C1orf146: variants seen among roughly 807,000 people sequenced by gnomAD.
C1orf146 encodes the protein protein SPO16 homolog.
In C1orf146, 22 loss-of-function variants were observed where a neutral mutation model predicts 23.0. That is an observed-to-expected ratio of 0.96 (90% CI 0.68 to 1.36). The LOEUF (loss-of-function observed/expected upper bound fraction) is 1.36. Among genes scored for constraint, C1orf146 ranks in the 40% most tolerant of loss-of-function variants. C1orf146 has a pLI of 0.00. For missense variants in C1orf146, 199 were observed against 206.8 expected (o/e 0.96, Z 0.23); for synonymous variants, 59 against 65.3 (o/e 0.90, Z 0.47).
intron 3 of C1orf146, 34 bp from the exon 4 acceptor site, chr1:92,244,183 A>G (rs1652506907): frequency 6.8e-7 from 1 of 1,467,596 alleles, no homozygotes. Flanking sequence ...CTCTATAACA[A>G]AGTGACATTT....
chr1:92,239,367 T>C (rs1226247351), intron 2 of C1orf146, among the ~76,000 whole-genome samples: 8 of 152,258 alleles, frequency 5.3e-5, no homozygotes, highest in Non-Finnish European at 4.4e-5. Flanking sequence ...AGAATAGTGC[T>C]ATCTTCCCCT....
chr1:92,240,715 G>T (rs1026173045), intron 2 of C1orf146: 3 of 167,592 alleles, frequency 1.8e-5, no homozygotes, highest in Non-Finnish European at 4.2e-5. Flanking sequence ...GTAGAAAGAA[G>T]GTCTCGCTAC....
intron 1 of C1orf146, 39 bp from the exon 2 acceptor site, chr1:92,231,343 G>C: frequency 7.4e-6 from 7 of 945,540 alleles, no homozygotes; most frequent in Non-Finnish European, 1.2e-5. Flanking sequence ...TCATTCATCA[G>C]ATATTTCTTT....
chr1:92,243,960 A>G (rs922175318), intron 3 of C1orf146, among the ~76,000 whole-genome samples: 2 of 152,060 alleles, frequency 1.3e-5, no homozygotes, highest in African/African-American at 4.8e-5. Flanking sequence ...ATCTAGGAAA[A>G]AAAAAAAAAC....
intron 2 of C1orf146, among the ~76,000 whole-genome samples, chr1:92,236,858 T>G (rs1334143384): frequency 6.6e-6 from 1 of 152,228 alleles, no homozygotes; most frequent in Admixed American, 6.5e-5. Context: ...TTTCATTCAT[T>G]TCATCTTCCA....
intron 1 of C1orf146, among the ~76,000 whole-genome samples, chr1:92,228,513 C>T (rs1047076894): frequency 6.6e-6 from 1 of 152,166 alleles, no homozygotes; most frequent in Non-Finnish European, 1.5e-5. Flanking sequence ...TTTACTTTTG[C>T]TTCTGGCAGA....
intron 2 of C1orf146, among the ~76,000 whole-genome samples, chr1:92,234,329 G>T (rs1350074550): frequency 6.6e-6 from 1 of 152,192 alleles, no homozygotes; most frequent in Non-Finnish European, 1.5e-5. Context: ...AAGGGTTGTT[G>T]AATTTTGTCA....
In C1orf146 at chr1:92,222,945, G is replaced by A. The variant is rs115464873; in HGVS notation, c.-40+4897G>A. On this transcript the variant is annotated intron_variant, in intron 1 of 5. Transcript: ENST00000370375. ...CAATATGTGCTATGCTTTTGGGGGC[G>A]GGGGTTGGCATCTTTCCTTCATAAT... Among the ~76,000 whole-genome samples, 718 of 152,136 alleles carry A rather than the reference G, an allele frequency of 4.7e-3. 4 individuals carry two copies. The highest frequency in any genetic ancestry group is 7.5e-3 in the Non-Finnish European group (509 of 67,994).
chr1:92,230,457 A>C (rs1652091795), intron 1 of C1orf146, among the ~76,000 whole-genome samples: 1 of 151,724 alleles, frequency 6.6e-6, no homozygotes. Context: ...CTAAAAATAC[A>C]AAAAAAAGAT....
intron 1 of C1orf146, chr1:92,229,147 G>A: frequency 1.9e-6 from 1 of 522,968 alleles, no homozygotes; most frequent in Non-Finnish European, 3.8e-6. Flanking sequence ...CGCTCTCGGG[G>A]TGCAATGATC....
intron 2 of C1orf146, among the ~76,000 whole-genome samples, chr1:92,241,786 T>G (rs1237008518): frequency 1.3e-5 from 2 of 152,114 alleles, no homozygotes; most frequent in African/African-American, 4.8e-5. Flanking sequence ...TAAAGTGAAG[T>G]TTGCAGCTGG....
intron 1 of C1orf146, among the ~76,000 whole-genome samples, chr1:92,223,212 G>T (rs1050686073): frequency 2.0e-5 from 3 of 152,112 alleles, no homozygotes; most frequent in African/African-American, 4.8e-5. Flanking sequence ...GTAAGTATAT[G>T]ATTAACTTTT....
chr1:92,244,846 A>C lies in C1orf146; in HGVS notation c.397A>C (p.Thr133Pro). ...NTVNAINLMCTIAKTTSKPYI... is the reference protein window; with the variant it reads ...NTVNAINLMCPIAKTTSKPYI... ...AGTAAATGCTATTAATCTTATGTGC[A>C]CTATAGCAAAGGTGAGTCACCCGTG... The change falls in exon 5 of 6, where the codon ACT (threonine) becomes CCT (proline). Residue 133 changes from threonine to proline, a missense_variant. By Grantham distance (38) the Thr-to-Pro change is conservative. Coordinates refer to ENST00000370375, the MANE Select transcript of C1orf146 (RefSeq NM_001012425.2). The C allele has an allele frequency of 6.3e-7, 1 of 1,594,286 alleles. No individual in the cohort carries two copies. The highest frequency in any genetic ancestry group is 8.6e-7 in the Non-Finnish European group (1 of 1,163,666).
chr1:92,223,939 T>C (rs1651899172), intron 1 of C1orf146, among the ~76,000 whole-genome samples: 2 of 152,116 alleles, frequency 1.3e-5, no homozygotes, highest in Admixed American at 6.5e-5. Flanking sequence ...TTTATTGCCC[T>C]TAAGAGTGTC....
chr1:92,244,011 CAA>C (rs1310704276), intron 3 of C1orf146, among the ~76,000 whole-genome samples: 2 of 150,522 alleles, frequency 1.3e-5, no homozygotes, highest in Admixed American at 6.6e-5. Flanking sequence ...TTATTTAGCA[CAA>C]GTCATTCTTT....
intron 4 of C1orf146, 75 bp downstream of exon 4, chr1:92,244,460 T>A: frequency 1.6e-6 from 2 of 1,229,078 alleles, no homozygotes; most frequent in Non-Finnish European, 2.3e-6. Context: ...TTTAGGTAAG[T>A]TTTGTTTTGC....
intron 2 of C1orf146, among the ~76,000 whole-genome samples, chr1:92,233,685 A>C (rs1333522587): frequency 6.6e-6 from 1 of 152,160 alleles, no homozygotes; most frequent in South Asian, 2.1e-4. Flanking sequence ...CATTGAATCT[A>C]TAAATTACCT....
At chr1:92,233,752 T>C (rs1046336186) in intron 2 of C1orf146, among the ~76,000 whole-genome samples, 10 of 152,216 alleles carry the variant, frequency 6.6e-5, no homozygotes, top group Non-Finnish European at 1.3e-4. Flanking sequence ...GCATGGAATG[T>C]TCTTCCATTT....
rs933376840 is a variant in C1orf146 at position 92,224,469 on chromosome 1, A to G, written c.-40+6421A>G. Among the ~76,000 whole-genome samples, 14 of 152,154 alleles carry G rather than the reference A, an allele frequency of 9.2e-5. No homozygotes were observed. In the South Asian group the frequency reaches 1.2e-3, roughly 14 times the overall value. On this transcript the variant is annotated intron_variant, in intron 1 of 5. Coordinates refer to ENST00000370375, the MANE Select transcript of C1orf146 (RefSeq NM_001012425.2). ...CTCAGGGTCACAATTATTATGTCCT[A>G]TTTTCCTCTAGGAGACTTACAGTTT...
Sources: gnomAD v4.1 joint callset for allele counts (sites outside exome capture counted in the v4.1 genomes callset) on GRCh38, gnomAD v4.1.1 for gene constraint, MANE v1.5 for transcripts, NCBI Gene and HGNC (gene_info 2026-07-23, HGNC 2026-07-21) for gene names.